DISC1: variants seen among roughly 807,000 people sequenced by gnomAD.
DISC1 encodes DISC1 scaffold protein.
DISC1 carries 57 observed loss-of-function variants against 84.5 expected under a neutral mutation model. That is an observed-to-expected ratio of 0.67 (90% CI 0.55 to 0.84). DISC1 has a LOEUF of 0.84. Among genes scored for constraint, DISC1 ranks in the 40% least tolerant of loss-of-function variants. The probability of loss-of-function intolerance (pLI) is 0.00; values close to 1 mark genes in which losing one functional copy is unlikely to be tolerated. For synonymous variants in DISC1, 411 were observed against 415.2 expected (o/e 0.99, Z 0.12); for missense variants, 1,000 against 1,057.8 (o/e 0.95, Z 0.76).
At chr1:231,840,634 GC>G (rs1407354511) in intron 9 of DISC1, among the ~76,000 whole-genome samples, 1 of 152,138 alleles carries the variant, frequency 6.6e-6, no homozygotes, top group Non-Finnish European at 1.5e-5. Context: ...TGGGAGAGGG[GC>G]TGGGGAAGGG....
intron 9 of DISC1, among the ~76,000 whole-genome samples, chr1:231,916,654 C>CA (rs3083755): frequency 0.23 from 23,587 of 101,600 alleles, 2,790 homozygotes; most frequent in Non-Finnish European, 0.33. Flanking sequence ...GACTCCGTCT[C>CA]AAAAAAAAAA....
rs2102998809 is a variant in DISC1 at position 232,009,244 on chromosome 1, A to C, written c.2307+195A>C. ...GTAGAAGTTTGAAATATAGAAGAGC[A>C]AAAAAACCCAACTTTTGGCATATTT... On this transcript the variant is annotated intron_variant, in intron 11 of 12. Coordinates refer to ENST00000439617, the MANE Select transcript of DISC1 (RefSeq NM_018662.3). This position sits in a 1 kb window ranked among gnomAD's most constrained non-coding sequence, Gnocchi z 4.6. The C allele has an allele frequency of 1.4e-6, 2 of 1,383,860 alleles. No individual in the cohort carries two copies. The highest frequency in any genetic ancestry group is 3.3e-5 in the South Asian group (2 of 59,940). The allele number at this position is 1,383,860 out of a possible 1,614,324, so 85.7% of individuals were successfully genotyped here. A position where few individuals can be genotyped will look rare whatever the true frequency, so the allele number is the denominator to read the frequency against.
At chr1:231,946,516 G>C (rs1657245998) in intron 9 of DISC1, among the ~76,000 whole-genome samples, 1 of 152,120 alleles carries the variant, frequency 6.6e-6, no homozygotes, top group African/African-American at 2.4e-5. Flanking sequence ...TACTGAATGG[G>C]CAAAAACTGA....
intron 9 of DISC1, among the ~76,000 whole-genome samples, chr1:231,889,448 G>A (rs917499670): frequency 6.6e-6 from 1 of 152,194 alleles, no homozygotes; most frequent in African/African-American, 2.4e-5. Context: ...TCCAATCATC[G>A]CTGGTGTGAT....
rs143545720 is a variant in DISC1 at position 231,760,804 on chromosome 1, G to A, written c.1269-6336G>A. 2.0e-3 allele frequency among the ~76,000 whole-genome samples: 309 copies of A among 152,252 alleles called. 1 individual carries two copies. Among genetic ancestry groups the A allele is most frequent in the African/African-American group, 7.0e-3 (289 of 41,558 alleles). On this transcript the variant is annotated intron_variant, in intron 4 of 12. Transcript: ENST00000439617. ...CAGAGCCTTCTGAAGGTGGCCTCTC[G>A]AGCAATGCCAAGGGCACTAGAGGGC...
At chr1:231,867,468 A>T (rs2085144191) in intron 9 of DISC1, among the ~76,000 whole-genome samples, 3 of 152,022 alleles carry the variant, frequency 2.0e-5, no homozygotes, top group African/African-American at 7.2e-5. Flanking sequence ...TAATAGAGGG[A>T]ATAGTGAGGT....
chr1:231,694,823 C>T lies in DISC1; in HGVS notation c.1047+18C>T, dbSNP rs1429591895. 1.2e-6 allele frequency: 2 copies of T among 1,611,474 alleles called. No individual in the cohort carries two copies. The highest frequency in any genetic ancestry group is 1.7e-6 in the Non-Finnish European group (2 of 1,179,176). The stretch of plus-strand genomic sequence containing the variant: ...AGATGGAGGTCAGTGTCTCTTCCAC[C>T]TCTGTGGCCCGAGATTGTCGTGAGC... On this transcript the variant is annotated intron_variant, in intron 2 of 12. Transcript: ENST00000439617.
rs1658885409 is a variant in DISC1, at chr1:231,953,659, A to G, written c.1982-5169A>G. On this transcript the variant is annotated intron_variant, in intron 9 of 12. Transcript: ENST00000439617. ...TATCTAAATTGATTCTTGAATATTG[A>G]TCTTTGAAATCTGATGACTTATTTT... 1.3e-5 allele frequency among the ~76,000 whole-genome samples: 2 copies of G among 152,214 alleles called. 1 individual carries two copies. Among genetic ancestry groups the G allele is most frequent in the South Asian group, 4.1e-4 (2 of 4,832 alleles).
intron 3 of DISC1, among the ~76,000 whole-genome samples, chr1:231,728,218 A>G (rs1442522869): frequency 2.0e-5 from 3 of 152,164 alleles, no homozygotes; most frequent in African/African-American, 7.2e-5. Flanking sequence ...CTATGATGTT[A>G]ATCTTTAAGA....
At chr1:231,920,147 T>C (rs1348823941) in intron 9 of DISC1, among the ~76,000 whole-genome samples, 1 of 152,236 alleles carries the variant, frequency 6.6e-6, no homozygotes, top group Non-Finnish European at 1.5e-5. Flanking sequence ...CAGATGTCCC[T>C]TGGGGATATA....
chr1:231,846,122 G>T (rs2125882384), intron 9 of DISC1, among the ~76,000 whole-genome samples: 1 of 152,330 alleles, frequency 6.6e-6, no homozygotes, highest in East Asian at 1.9e-4. Flanking sequence ...GGAGGACACT[G>T]ACTGCTTGGG....
Position 232,026,542 on chromosome 1 carries a change from A to T in DISC1, c.2415A>T (p.Glu805Asp). 6.2e-7 allele frequency: 1 copy of T among 1,600,420 alleles called. No homozygotes were observed. Among genetic ancestry groups the T allele is most frequent in the Non-Finnish European group, 8.5e-7 (1 of 1,172,212 alleles). Residue 805 changes from glutamate (E) to aspartate (D), a missense_variant, in exon 12 of 13, where the codon GAA (glutamate) becomes GAT (aspartate). This residue lies in a region of DISC1 where 397 missense variants were observed against 377.5 expected (regional missense o/e 1.05). Transcript: ENST00000439617. Reference protein sequence around the residue: ...QLHTAIHSHDEDLIQSLRREL... With the variant: ...QLHTAIHSHDDDLIQSLRREL... Reference sequence around the variant, plus strand: ...ACACAGCAATCCACAGTCATGATGAAGATCTCATTCATATCCTTTTCATCT... The same window carrying T: ...ACACAGCAATCCACAGTCATGATGATGATCTCATTCATATCCTTTTCATCT...
chr1:232,002,229 A>G (rs1666783538), intron 10 of DISC1, among the ~76,000 whole-genome samples: 1 of 152,192 alleles, frequency 6.6e-6, no homozygotes, highest in African/African-American at 2.4e-5. Context: ...ATAACACCAA[A>G]TATTGGTGAG....
chr1:231,871,258 C>G (rs2085440307), intron 9 of DISC1, among the ~76,000 whole-genome samples: 1 of 152,200 alleles, frequency 6.6e-6, no homozygotes, highest in African/African-American at 2.4e-5. Context: ...AGTCGCCATT[C>G]TCTCCTCAGA....
intron 1 of DISC1, among the ~76,000 whole-genome samples, chr1:231,678,846 T>G (rs116218019): frequency 0.065 from 9,834 of 152,172 alleles, 346 homozygotes; most frequent in African/African-American, 0.096. Flanking sequence ...TTTTTTATTT[T>G]TTTGTATTTT....
chr1:232,016,864 A>G (rs959130311), intron 11 of DISC1, among the ~76,000 whole-genome samples: 3 of 152,190 alleles, frequency 2.0e-5, no homozygotes, highest in Non-Finnish European at 4.4e-5. Flanking sequence ...GCAGTTACTC[A>G]GGGAGTAACC....
At chr1:231,931,162 C>T (rs2090632882) in intron 9 of DISC1, among the ~76,000 whole-genome samples, 1 of 152,150 alleles carries the variant, frequency 6.6e-6, no homozygotes, top group South Asian at 2.1e-4. Context: ...TCTTAGTTGA[C>T]CAGAGGGGAG....
At chr1:232,002,805 T>A (rs1358483798) in intron 10 of DISC1, among the ~76,000 whole-genome samples, 2 of 152,150 alleles carry the variant, frequency 1.3e-5, no homozygotes, top group African/African-American at 4.8e-5. Context: ...TGGAGATTCA[T>A]GTGATAATTG....
rs191061908 is a variant in DISC1 at position 231,678,914 on chromosome 1, G to C, written c.68-14912G>C. On this transcript the variant is annotated intron_variant, in intron 1 of 12. Coordinates refer to ENST00000439617, the MANE Select transcript of DISC1 (RefSeq NM_018662.3). ...GATGGTCTCGATCTCCTGACCTCGT[G>C]ATCCACCCGCCTCAGCCTCCCAAAG... is the stretch of plus-strand genomic sequence containing the variant. Among the ~76,000 whole-genome samples, 50 of 151,532 alleles carry C rather than the reference G, an allele frequency of 3.3e-4. 1 individual carries two copies. In the East Asian group the frequency reaches 9.5e-3, roughly 29 times the overall value.
Sources: gnomAD v4.1 joint callset for allele counts (sites outside exome capture counted in the v4.1 genomes callset) on GRCh38, gnomAD v4.1.1 for gene constraint, gnomAD v4.1.1 regional missense constraint, Gnocchi (gnomAD v3.1) non-coding constraint, MANE v1.5 for transcripts, NCBI Gene and HGNC (gene_info 2026-07-23, HGNC 2026-07-21) for gene names.